KIF26B: variants seen among roughly 807,000 people sequenced by gnomAD.
KIF26B encodes kinesin family member 26B.
KIF26B carries 63 observed loss-of-function variants against 151.2 expected under a neutral mutation model. That is an observed-to-expected ratio of 0.42 (90% CI 0.34 to 0.51). The LOEUF is 0.51. KIF26B is among the 20% of genes least tolerant of loss of function. The pLI is 0.07. For missense variants in KIF26B, 2,813 were observed against 2,913.6 expected (o/e 0.97, Z 0.79); for synonymous variants, 1,357 against 1,262.1 (o/e 1.08, Z -1.59).
intron 2 of KIF26B, among the ~76,000 whole-genome samples, chr1:245,327,672 G>A (rs1672017543): frequency 6.6e-6 from 1 of 152,116 alleles, no homozygotes. Context: ...CTGTGTCCCT[G>A]GAAGAGTCAA....
chr1:245,571,673 G>A (rs1048000696), intron 5 of KIF26B, among the ~76,000 whole-genome samples: 6 of 152,206 alleles, frequency 3.9e-5, no homozygotes, highest in African/African-American at 1.4e-4. Context: ...ATCCTAACAA[G>A]CTGTCTGTGT....
In KIF26B at chr1:245,611,856, G is replaced by T; in HGVS notation, c.1978G>T (p.Ala660Ser). Residue 660 changes from alanine to serine, a missense_variant, in exon 9 of 15, where the codon GCC becomes TCC. This residue lies in a region of KIF26B where 2,060 missense variants were observed against 2,088.6 expected (regional missense o/e 0.99). Transcript: ENST00000407071. ...AEKAAFFLDA[A>S]IASRRSHQQD... ...GAAGGCTGCCTTTTTCCTGGATGCCGCCATTGCCTCCCGCAGGAGCCACCA... is the reference window on the plus strand; with the variant it reads ...GAAGGCTGCCTTTTTCCTGGATGCCTCCATTGCCTCCCGCAGGAGCCACCA... 1 of 1,613,760 alleles carries T rather than the reference G, an allele frequency of 6.2e-7. No homozygotes were observed. Among genetic ancestry groups the T allele is most frequent in the Non-Finnish European group, 8.5e-7 (1 of 1,179,876 alleles).
chr1:245,267,397 G>A (rs1357936643), intron 2 of KIF26B, among the ~76,000 whole-genome samples: 12 of 152,166 alleles, frequency 7.9e-5, no homozygotes, highest in African/African-American at 2.9e-4. Context: ...GTACACCGTA[G>A]AGCAGAGGAC....
Position 245,156,395 on chromosome 1 carries a change from G to A in KIF26B, c.177G>A (p.Ala59=), listed in dbSNP as rs994627091. The change falls in exon 2 of 15, where the codon GCG becomes GCA. Residue 59 remains alanine, a synonymous_variant. Coordinates refer to ENST00000407071, the MANE Select transcript of KIF26B (RefSeq NM_018012.4). ...GCAGCCGGCCCACTCCTGAGGGCGC[G>A]GGCTCAGCGCTCGGCTCCTCGGGGA... ...RAGSRPTPEG[A]GSALGSSGTP... 9 of 1,540,100 alleles carry A rather than the reference G, an allele frequency of 5.8e-6. No individual in the cohort carries two copies. The highest frequency in any genetic ancestry group is 2.5e-5 in the East Asian group (1 of 40,094).
intron 2 of KIF26B, among the ~76,000 whole-genome samples, chr1:245,285,963 A>G (rs1671157878): frequency 6.8e-6 from 1 of 147,820 alleles, no homozygotes; most frequent in Non-Finnish European, 1.5e-5. Flanking sequence ...GCACCACTGC[A>G]CTCCAGCCTG....
At chr1:245,327,021 A>G (rs1288319314) in intron 2 of KIF26B, among the ~76,000 whole-genome samples, 3 of 151,970 alleles carry the variant, frequency 2.0e-5, no homozygotes, top group Non-Finnish European at 4.4e-5. Context: ...TGAAGAACTG[A>G]AAAAATTATT....
In KIF26B at chr1:245,587,119, GC is replaced by G. The variant is rs552297646; in HGVS notation, c.1351-15452del. 4.0e-3 allele frequency among the ~76,000 whole-genome samples: 612 copies of G among 152,252 alleles called. 2 individuals are homozygous for G. The highest frequency in any genetic ancestry group is 5.3e-3 in the Non-Finnish European group (363 of 68,022). On this transcript the variant is annotated intron_variant, in intron 5 of 14. Coordinates refer to ENST00000407071, the MANE Select transcript of KIF26B (RefSeq NM_018012.4). ...CAGGTTCCAAGACACCGGTCAGCCT[GC>G]CCCCCTGCACCTTGGCCATGCTGCC...
chr1:245,619,868 A>G (rs546396213), intron 9 of KIF26B, among the ~76,000 whole-genome samples: 53 of 150,350 alleles, frequency 3.5e-4, no homozygotes, highest in African/African-American at 1.2e-3. Flanking sequence ...AGCTGAGATC[A>G]CGCCACTGCA....
intron 9 of KIF26B, among the ~76,000 whole-genome samples, chr1:245,640,143 C>CTCTATATATATATATATA: frequency 1.9e-4 from 6 of 31,920 alleles, no homozygotes; most frequent in African/African-American, 8.3e-4. Context: ...CTCTCTCTCT[C>CTCTATATATATATATATA]TATATATATA....
chr1:245,193,241 T>C (rs1217160736), intron 2 of KIF26B, among the ~76,000 whole-genome samples: 1 of 152,254 alleles, frequency 6.6e-6, no homozygotes, highest in Non-Finnish European at 1.5e-5. Flanking sequence ...TAGTGTTCCA[T>C]GGTGTATATG....
Position 245,688,613 on chromosome 1 carries a change from G to A in KIF26B, c.5630G>A (p.Gly1877Glu). 6.3e-7 allele frequency: 1 copy of A among 1,591,574 alleles called. No individual in the cohort carries two copies. The highest frequency in any genetic ancestry group is 8.5e-7 in the Non-Finnish European group (1 of 1,171,346). ...HGSDNSSVLS[G>E]ELPPAMGKTA... ...AGCGACAACAGCAGCGTGCTGAGCG[G>A]GGAGCTCCCGCCGGCCATGGGGAAG... The change falls in exon 12 of 15, where the codon GGG becomes GAG. Residue 1877 changes from glycine (G) to glutamate (E), a missense_variant. Coordinates refer to ENST00000407071, the MANE Select transcript of KIF26B (RefSeq NM_018012.4).
chr1:245,622,164 CTTGCAGGGTACAAAAT>C lies in KIF26B; in HGVS notation c.2098+10189_2098+10204del, dbSNP rs2043671032. Among the ~76,000 whole-genome samples, 4 of 152,318 alleles carry C rather than the reference CTTGCAGGGTACAAAAT, an allele frequency of 2.6e-5. No individual in the cohort carries two copies. The South Asian group carries it at 8.3e-4, about 32-fold the overall frequency. The stretch of plus-strand genomic sequence containing the variant: ...CCATAGCACGCTGCTGTGACCCAAG[CTTGCAGGGTACAAAAT>C]AGCATAAAACAGAAGTGACACATTA... On this transcript the variant is annotated intron_variant, in intron 9 of 14. Transcript: ENST00000407071.
At chr1:245,360,857 C>T (rs575275424) in intron 2 of KIF26B, among the ~76,000 whole-genome samples, 2 of 152,168 alleles carry the variant, frequency 1.3e-5, no homozygotes, top group East Asian at 3.9e-4. Flanking sequence ...ACTAAAAATA[C>T]AAAAAAATTA....
chr1:245,558,214 T>A (rs1330020727), intron 5 of KIF26B, among the ~76,000 whole-genome samples: 1 of 152,122 alleles, frequency 6.6e-6, no homozygotes, highest in Non-Finnish European at 1.5e-5. Flanking sequence ...GTTTAGCTGG[T>A]CACATGGCTC....
intron 5 of KIF26B, among the ~76,000 whole-genome samples, chr1:245,557,675 G>A (rs1662071803): frequency 6.6e-6 from 1 of 152,180 alleles, no homozygotes; most frequent in East Asian, 1.9e-4. Flanking sequence ...AGAAGCTTCA[G>A]ACGCCTGTTC....
At chr1:245,611,194 G>A (rs1164786975) in intron 8 of KIF26B, among the ~76,000 whole-genome samples, 4 of 152,174 alleles carry the variant, frequency 2.6e-5, no homozygotes, top group Non-Finnish European at 5.9e-5. Flanking sequence ...TTCAAGTATC[G>A]TGAGTGTTTG....
At chr1:245,647,439 A>G (rs978304674) in intron 10 of KIF26B, among the ~76,000 whole-genome samples, 17 of 136,244 alleles carry the variant, frequency 1.2e-4, no homozygotes, top group African/African-American at 4.2e-4. Context: ...AAAAAAAAAA[A>G]AAAAGAAAAA....
chr1:245,453,160 G>T (rs1659436421), intron 4 of KIF26B, among the ~76,000 whole-genome samples: 1 of 152,036 alleles, frequency 6.6e-6, no homozygotes, highest in African/African-American at 2.4e-5. Context: ...AAATCTGGTT[G>T]TCCCAGAACA....
chr1:245,540,873 C>A lies in KIF26B; in HGVS notation c.1273C>A (p.Gln425Lys). 1 of 1,613,892 alleles carries A rather than the reference C, an allele frequency of 6.2e-7. No individual in the cohort carries two copies. Among genetic ancestry groups the A allele is most frequent in the Non-Finnish European group, 8.5e-7 (1 of 1,179,808 alleles). ...LFATSFSGIL[Q>K]TSPPPAPPCL... ...TGCAACCAGCTTCAGTGGGATTCTG[C>A]AGACCTCCCCTCCCCCAGCCCCACC... The change falls in exon 5 of 15, where the codon CAG becomes AAG. Residue 425 changes from glutamine to lysine, a missense_variant. By Grantham distance (53) the Gln-to-Lys change is moderately conservative (BLOSUM62 1). Transcript: ENST00000407071. The surrounding 1 kb of genome is among the most constrained non-coding windows in gnomAD (Gnocchi z 4.6).
Sources: gnomAD v4.1 joint callset for allele counts (sites outside exome capture counted in the v4.1 genomes callset) on GRCh38, gnomAD v4.1.1 for gene constraint, gnomAD v4.1.1 regional missense constraint, Gnocchi (gnomAD v3.1) non-coding constraint, MANE v1.5 for transcripts, NCBI Gene and HGNC (gene_info 2026-07-23, HGNC 2026-07-21) for gene names.